The following CIITA variants were observed in gnomAD, a reference collection of about 807,000 sequenced individuals.
CIITA encodes the protein class II major histocompatibility complex transactivator.
A neutral mutation model predicts 115.1 loss-of-function variants in CIITA; 72 were observed. That is an observed-to-expected ratio of 0.63 (90% CI 0.52 to 0.76). The LOEUF is 0.76. CIITA is among the 30% of genes least tolerant of loss of function. CIITA has a pLI of 0.00. For synonymous variants in CIITA, 763 were observed against 635.6 expected, an observed-to-expected ratio of 1.20 and a Z score of -3.02; for missense variants, 1,617 against 1,463.8, an observed-to-expected ratio of 1.10 and a Z score of -1.71.
Position 10,877,397 on chromosome 16 carries a change from A to G in CIITA, c.52+15A>G. ...AGAGCCCCAAGGTAAAAAGGCCGGG[A>G]AAGCATCTTAATTTAGCGTGCAGTC... On this transcript the variant is annotated intron_variant, in intron 1 of 19. Coordinates refer to ENST00000324288, the MANE Select transcript of CIITA (RefSeq NM_000246.4). 1 of 1,611,152 alleles carries G rather than the reference A, an allele frequency of 6.2e-7. No individual in the cohort carries two copies. Among genetic ancestry groups the G allele is most frequent in the Non-Finnish European group, 8.5e-7 (1 of 1,178,546 alleles).
intron 13 of CIITA, among the ~76,000 whole-genome samples, chr16:10,914,054 G>A (rs2039780578): frequency 6.6e-6 from 1 of 151,954 alleles, no homozygotes; most frequent in African/African-American, 2.4e-5. Context: ...TCAGACATCA[G>A]CTTGCTTTCC....
chr16:10,902,871 C>A, intron 8 of CIITA, 70 bp downstream of exon 8: 1 of 1,577,556 alleles, frequency 6.3e-7, no homozygotes, highest in Non-Finnish European at 8.7e-7. Flanking sequence ...TCATCCTCCC[C>A]ATACTCCATG....
chr16:10,901,739 G>A lies in CIITA; in HGVS notation c.481+181G>A. 1.4e-6 allele frequency: 1 copy of A among 699,302 alleles called. No homozygotes were observed. Among genetic ancestry groups the A allele is most frequent in the South Asian group, 1.8e-5 (1 of 56,982 alleles). The allele number at this position is 699,302 out of a possible 1,614,324, so 43.3% of individuals were successfully genotyped here. ...TCCTCTAAGGGGCTCACGACTGTTT[G>A]TGGAAGGTGGTAGGGGCTTGGAGCT... On this transcript the variant is annotated intron_variant, in intron 6 of 19. Coordinates refer to ENST00000324288, the MANE Select transcript of CIITA (RefSeq NM_000246.4). The surrounding 1 kb of genome is among the most constrained non-coding windows in gnomAD (Gnocchi z 6.8).
At position 10,879,424 on chromosome 16, in the gene CIITA, G is replaced by A. The variant is rs941707485; in HGVS notation, c.52+2042G>A. Among the ~76,000 whole-genome samples, 2 of 152,194 alleles carry A rather than the reference G, an allele frequency of 1.3e-5. No homozygotes were observed. The highest frequency in any genetic ancestry group is 2.9e-5 in the Non-Finnish European group (2 of 68,030). On this transcript the variant is annotated intron_variant, in intron 1 of 19. Coordinates refer to ENST00000324288, the MANE Select transcript of CIITA (RefSeq NM_000246.4). This position sits in a 1 kb window ranked among gnomAD's most constrained non-coding sequence, Gnocchi z 4.3. ...GCAGAGGTGCGCGCCCTTCTTGTAC[G>A]CCAGACTTTGGACCAGGGCCGCCGT... is the stretch of plus-strand genomic sequence containing the variant.
chr16:10,873,992 AT>A (rs2143324899), upstream of CIITA, among the ~76,000 whole-genome samples: 1 of 151,774 alleles, frequency 6.6e-6, no homozygotes, highest in African/African-American at 2.4e-5. Context: ...TTTGTTTTTG[AT>A]TTTTTGAAAT....
At chr16:10,875,290 G>A (rs1023651130), upstream of CIITA, among the ~76,000 whole-genome samples, 48 of 152,056 alleles carry the variant, frequency 3.2e-4, no homozygotes, top group South Asian at 2.1e-4. Context: ...CACCATATCC[G>A]TTTGTTAGCC....
chr16:10,920,078 G>C lies in CIITA; in HGVS notation c.3149+1552G>C, dbSNP rs575909575. Among the ~76,000 whole-genome samples the C allele has an allele frequency of 1.5e-4, 23 of 152,272 alleles. No individual in the cohort carries two copies. Among genetic ancestry groups the C allele is most frequent in the African/African-American group, 4.8e-4 (20 of 41,544 alleles). ...AAGGGCCACTGTGGCTGTGTGTAGT[G>C]AATGAGGGACAGAGGCTGGGCAATG... On this transcript the variant is annotated intron_variant, in intron 16 of 19. Coordinates refer to ENST00000324288, the MANE Select transcript of CIITA (RefSeq NM_000246.4). The surrounding 1 kb of genome is among the most constrained non-coding windows in gnomAD (Gnocchi z 4.5).
At chr16:10,892,881 G>A (rs572080473) in intron 1 of CIITA, among the ~76,000 whole-genome samples, 9 of 152,076 alleles carry the variant, frequency 5.9e-5, no homozygotes, top group South Asian at 2.1e-4. Context: ...GCAGTGAGCC[G>A]ATACAGCGCC....
At chr16:10,904,575 G>C (rs1172964923) in intron 9 of CIITA, among the ~76,000 whole-genome samples, 169 bp from the exon 10 acceptor site, 1 of 152,134 alleles carries the variant, frequency 6.6e-6, no homozygotes, top group African/African-American at 2.4e-5. Flanking sequence ...AGTACAGTTG[G>C]CCAAAGAAAG....
intron 18 of CIITA, 41 bp downstream of exon 18, chr16:10,922,531 C>A: frequency 1.9e-6 from 3 of 1,601,290 alleles, no homozygotes; most frequent in Non-Finnish European, 1.7e-6. Context: ...ACAACTCACT[C>A]CCCAGGCGTG....
chr16:10,898,831 C>G (rs906605599), intron 4 of CIITA, 94 bp from the exon 5 acceptor site: 8 of 1,584,698 alleles, frequency 5.0e-6, no homozygotes, highest in Non-Finnish European at 6.9e-6. Context: ...CATTGATGGG[C>G]AGTCAGACCC....
intron 16 of CIITA, 43 bp downstream of exon 16, chr16:10,918,569 G>T (rs375386948): frequency 3.5e-5 from 55 of 1,561,568 alleles, no homozygotes; most frequent in Admixed American, 1.8e-4. Context: ...GAGCTGGGGG[G>T]CTGCAGAGCG....
In CIITA at chr16:10,899,020, T is replaced by G. The variant is rs762306795; in HGVS notation, c.436+18T>G. ...GAAAAGACGTGAGTGAGCCCCTCCC[T>G]GATCCAACCTAGCCTTGCTTGAGAC... On this transcript the variant is annotated intron_variant, in intron 5 of 19. Transcript: ENST00000324288. 2 of 1,612,982 alleles carry G rather than the reference T, an allele frequency of 1.2e-6. No individual in the cohort carries two copies. The highest frequency in any genetic ancestry group is 8.5e-7 in the Non-Finnish European group (1 of 1,179,008).
intron 4 of CIITA, 39 bp from the exon 5 acceptor site, chr16:10,898,886 T>A (rs1300488217): frequency 6.2e-7 from 1 of 1,608,268 alleles, no homozygotes; most frequent in Non-Finnish European, 8.5e-7. Flanking sequence ...TGGGCTTTCA[T>A]TGATTGTGTG....
chr16:10,870,141 G>A (rs2035376903), intron 1 of CIITA, among the ~76,000 whole-genome samples: 1 of 120,980 alleles, frequency 8.3e-6, no homozygotes, highest in South Asian at 2.9e-4. Context: ...GGGGTCTCAT[G>A]AGTCCTGGCC....
intron 14 of CIITA, among the ~76,000 whole-genome samples, chr16:10,915,983 C>A (rs1252300257): frequency 6.6e-6 from 1 of 152,220 alleles, no homozygotes; most frequent in Non-Finnish European, 1.5e-5. Context: ...AGTTGTAGAT[C>A]CTTTCGTGAC....
At chr16:10,900,173 A>G (rs768752216) in intron 5 of CIITA, among the ~76,000 whole-genome samples, 2 of 152,206 alleles carry the variant, frequency 1.3e-5, no homozygotes, top group African/African-American at 2.4e-5. Flanking sequence ...ATCTTAGTCA[A>G]CCTATGTGAC....
At chr16:10,913,274 C>CTTT (rs2039705550) in intron 13 of CIITA, among the ~76,000 whole-genome samples, 3 of 150,316 alleles carry the variant, frequency 2.0e-5, no homozygotes, top group Admixed American at 2.0e-4. Context: ...TTCTTTCCCT[C>CTTT]CTTTCTTTCT....
Position 10,942,257 on chromosome 16 carries a change from T to G in CIITA, n.1383T>G. 2.9e-6 allele frequency: 1 copy of G among 342,756 alleles called. No homozygotes were observed. Among genetic ancestry groups the G allele is most frequent in the Non-Finnish European group, 5.3e-6 (1 of 189,630 alleles). 21.2% of individuals were successfully genotyped at this position (342,756 alleles called of 1,614,324 possible). On this transcript the variant is annotated non_coding_transcript_exon_variant, in exon 2 of 2. Transcript: ENST00000573379. This position sits in a 1 kb window ranked among gnomAD's most constrained non-coding sequence, Gnocchi z 5.0. ...GGCGGCGAGGCGGGCCCCCCTGAAG[T>G]GGCCCGCGGCTGCCCGGCTCCCTCG...
Sources: allele counts gnomAD v4.1 joint callset (sites outside exome capture counted in the v4.1 genomes callset), GRCh38; gene constraint gnomAD v4.1.1; non-coding constraint Gnocchi (gnomAD v3.1); transcripts MANE v1.5; gene names NCBI Gene and HGNC (gene_info 2026-07-23, HGNC 2026-07-21).